OTOA: variants seen among roughly 807,000 people sequenced by gnomAD.
The protein encoded by OTOA is otoancorin.
OTOA carries 70 observed loss-of-function variants against 110.8 expected under a neutral mutation model. That is an observed-to-expected ratio of 0.63 (90% CI 0.52 to 0.77). OTOA has a LOEUF of 0.77. OTOA is among the 30% of genes least tolerant of loss of function. The probability of loss-of-function intolerance (pLI) is 0.00; values close to 1 mark genes in which losing one functional copy is unlikely to be tolerated. For synonymous variants in OTOA, 373 were observed against 431.5 expected, an observed-to-expected ratio of 0.86 and a Z score of 1.68; for missense variants, 917 against 1,075.8, an observed-to-expected ratio of 0.85 and a Z score of 2.06.
In OTOA at chr16:21,687,459, C is replaced by A. The variant is rs113820086; in HGVS notation, c.446C>A (p.Ala149Asp). Residue 149 changes from alanine (A) to aspartate (D), a missense_variant, in exon 8 of 29, where the codon GCC becomes GAC. Ala to Asp is a moderately radical substitution (Grantham distance 126). This residue lies in a region of OTOA where 840 missense variants were observed against 910.2 expected (regional missense o/e 0.92). Coordinates refer to ENST00000646100, the MANE Select transcript of OTOA (RefSeq NM_144672.4). ...GACTTAGGAGAGATTCGAGAACGAG[C>A]CTTGCAGAGCCCTGGCGTGAACCGC... ...IIDLGEIRER[A>D]LQSPGVNRSL... is the part of the protein sequence containing the mutation. 56 of 1,613,900 alleles carry A rather than the reference C, an allele frequency of 3.5e-5. No individual in the cohort carries two copies. Among genetic ancestry groups the A allele is most frequent in the African/African-American group, 9.3e-5 (7 of 74,884 alleles).
At position 21,680,751 on chromosome 16, in the gene OTOA, G is replaced by A. The variant is rs1966882285; in HGVS notation, c.180-987G>A. On this transcript the variant is annotated intron_variant, in intron 5 of 28. Coordinates refer to ENST00000646100, the MANE Select transcript of OTOA (RefSeq NM_144672.4). ...GCCTGTAATTCCAGCTACTTGGAAG[G>A]CTGAGGCAGGAGAATCGCTTGAACC... Among the ~76,000 whole-genome samples the A allele has an allele frequency of 3.3e-5, 5 of 151,634 alleles. 1 individual carries two copies. The South Asian group carries it at 1.0e-3, about 31-fold the overall frequency.
chr16:21,728,543 A>C, intron 20 of OTOA, 112 bp downstream of exon 20: 1 of 1,278,456 alleles, frequency 7.8e-7, no homozygotes, highest in Non-Finnish European at 1.1e-6. Flanking sequence ...ATGAGATAAA[A>C]TTCTTATGCT....
intron 11 of OTOA, among the ~76,000 whole-genome samples, chr16:21,702,643 C>T (rs1172022394): frequency 6.6e-6 from 1 of 152,182 alleles, no homozygotes; most frequent in Admixed American, 6.5e-5. Context: ...ACACTTGACA[C>T]ATAGTAAGTG....
chr16:21,715,231 G>A, intron 14 of OTOA, 79 bp downstream of exon 14: 1 of 1,589,790 alleles, frequency 6.3e-7, no homozygotes, highest in Non-Finnish European at 8.6e-7. Flanking sequence ...CTGTGACTTT[G>A]GGCCATGAAC....
At chr16:21,706,551 A>T (rs886698518) in intron 12 of OTOA, among the ~76,000 whole-genome samples, 3 of 152,144 alleles carry the variant, frequency 2.0e-5, no homozygotes, top group Non-Finnish European at 4.4e-5. Flanking sequence ...TGAGTTCCCA[A>T]GACCAGATGA....
At chr16:21,692,916 A>G (rs1897859295) in intron 9 of OTOA, among the ~76,000 whole-genome samples, 1 of 117,910 alleles carries the variant, frequency 8.5e-6, no homozygotes, top group African/African-American at 3.4e-5. Flanking sequence ...TGACAGAGTG[A>G]GACTCTGTCT....
rs750987667 is a variant in OTOA at position 21,678,893 on chromosome 16, A to G, written c.92-22A>G. 1.3e-5 allele frequency: 21 copies of G among 1,611,646 alleles called. 2 individuals carry two copies. The South Asian group carries it at 1.5e-4, about 12-fold the overall frequency. Reference sequence around the variant, plus strand: ...GGTCACACAATTCAATTCTAGTTATACATTCAATGGCTTTCTTACAGATTT... The same window carrying G: ...GGTCACACAATTCAATTCTAGTTATGCATTCAATGGCTTTCTTACAGATTT... On this transcript the variant is annotated intron_variant, in intron 2 of 28. Coordinates refer to ENST00000646100, the MANE Select transcript of OTOA (RefSeq NM_144672.4).
rs115543159 is a variant in OTOA at position 21,705,283 on chromosome 16, C to G, written c.1095C>G (p.Gly365=). 7 of 1,613,752 alleles carry G rather than the reference C, an allele frequency of 4.3e-6. No homozygotes were observed. In the Admixed American group the frequency reaches 6.7e-5, roughly 15 times the overall value. ...GCCACCTGAGGGGCTTCCAGGCTGG[C>G]GTCCAGAAGGTACAGCTGGGGTGCA... is the stretch of plus-strand genomic sequence containing the variant. The part of the protein sequence containing the change: ...KCSHLRGFQA[G]VQKLKAELLD... Residue 365 remains glycine (G), a synonymous_variant, in exon 12 of 29, where the codon GGC becomes GGG. Coordinates refer to ENST00000646100, the MANE Select transcript of OTOA (RefSeq NM_144672.4).
chr16:21,728,341 G>A lies in OTOA; in HGVS notation c.2117G>A (p.Trp706Ter). The A allele has an allele frequency of 6.2e-7, 1 of 1,614,004 alleles. No individual in the cohort carries two copies. Among genetic ancestry groups the A allele is most frequent in the Non-Finnish European group, 8.5e-7 (1 of 1,179,968 alleles). ...GACAGGGGGATCTCCCCCAGGGCTT[G>A]GGCGACTGCTCTACACGGCCTCAGA... ...IIDRGISPRA[W>*]ATALHGLRDC... is the part of the protein sequence containing the mutation. The change falls in exon 20 of 29, where the codon TGG becomes TAG. Residue 706 changes from tryptophan to a stop codon, truncating the protein, a stop_gained. Transcript: ENST00000646100. LOFTEE classifies it high-confidence loss of function.
chr16:21,721,961 C>T (rs536341136), intron 17 of OTOA, among the ~76,000 whole-genome samples: 1 of 151,642 alleles, frequency 6.6e-6, no homozygotes, highest in East Asian at 1.9e-4. Flanking sequence ...CAGTGGCTCA[C>T]GCCAGTAATC....
intron 21 of OTOA, among the ~76,000 whole-genome samples, chr16:21,734,051 G>C (rs1384363453): frequency 6.6e-6 from 1 of 151,562 alleles, no homozygotes; most frequent in Non-Finnish European, 1.5e-5. Flanking sequence ...CTGCCTGCTT[G>C]GGCCTCCCAA....
At chr16:21,756,519 G>C (rs1218111445) in intron 27 of OTOA, among the ~76,000 whole-genome samples, 3 of 152,042 alleles carry the variant, frequency 2.0e-5, no homozygotes, top group Non-Finnish European at 4.4e-5. Context: ...TCAGGCCTCT[G>C]ATCTTTAAGG....
chr16:21,686,618 A>G (rs528887175), intron 7 of OTOA, among the ~76,000 whole-genome samples: 2 of 152,228 alleles, frequency 1.3e-5, no homozygotes, highest in South Asian at 4.1e-4. Context: ...AAATCTCCCC[A>G]GATGGGCTGG....
Position 21,722,938 on chromosome 16 carries a change from T to G in OTOA, c.1840T>G (p.Ser614Ala), listed in dbSNP as rs1898803224. 1.9e-6 allele frequency: 3 copies of G among 1,614,192 alleles called. No homozygotes were observed. Among genetic ancestry groups the G allele is most frequent in the Non-Finnish European group, 2.5e-6 (3 of 1,180,028 alleles). ...NCLAWKYWEV[S>A]RLSMPPFLLA... ...TTTGGCGTGGAAATACTGGGAAGTT[T>G]CCAGATTGTCTATGCCACCTTTCCT... The change falls in exon 18 of 29, where the codon TCC (serine) becomes GCC (alanine). Residue 614 changes from serine to alanine, a missense_variant. Physicochemically the swap from Ser to Ala is moderately conservative, Grantham distance 99 (BLOSUM62 1). Around this residue, in one of 6 missense-constraint regions of OTOA, gnomAD observed 840 missense variants for 910.2 expected, o/e 0.92. Coordinates refer to ENST00000646100, the MANE Select transcript of OTOA (RefSeq NM_144672.4).
chr16:21,759,563 C>G (rs1419663781), intron 28 of OTOA, among the ~76,000 whole-genome samples: 1 of 151,312 alleles, frequency 6.6e-6, no homozygotes, highest in Non-Finnish European at 1.5e-5. Context: ...AGGATAAACT[C>G]TTCAAAGTGA....
In OTOA at chr16:21,705,562, C is replaced by T. The variant is rs555861850; in HGVS notation, c.1104+270C>T. On this transcript the variant is annotated intron_variant, in intron 12 of 28. Transcript: ENST00000646100. Reference sequence around the variant, plus strand: ...CGGTGGCTCATGCCTGTAATCCCAGCACTTTGGGAGGCCAAGATGGGAGGA... The same window carrying T: ...CGGTGGCTCATGCCTGTAATCCCAGTACTTTGGGAGGCCAAGATGGGAGGA... 1.7e-5 allele frequency: 8 copies of T among 470,566 alleles called. No individual in the cohort carries two copies. The East Asian group carries it at 3.5e-4, about 21-fold the overall frequency. 29.1% of individuals were successfully genotyped at this position (470,566 alleles called of 1,614,324 possible). A position where few individuals can be genotyped will look rare whatever the true frequency, so the allele number is the denominator to read the frequency against.
chr16:21,693,271 GCAAA>G (rs543653418), intron 9 of OTOA, among the ~76,000 whole-genome samples: 23 of 152,062 alleles, frequency 1.5e-4, no homozygotes, highest in East Asian at 3.9e-4. Context: ...CGCAAAACAA[GCAAA>G]CAAACAAACA....
In OTOA at chr16:21,714,332, C is replaced by CCTTCCTTTCTTT. The variant is rs1555499743; in HGVS notation, c.1321-650_1321-649insCCTTTCTTTCTT. Among the ~76,000 whole-genome samples the CCTTCCTTTCTTT allele has an allele frequency of 1.6e-3, 198 of 127,646 alleles. 2 individuals are homozygous for CCTTCCTTTCTTT. The highest frequency in any genetic ancestry group is 1.5e-3 in the Non-Finnish European group (90 of 59,204). The allele number at this position is 127,646 out of a possible 152,430, so 83.7% of individuals were successfully genotyped here. A position where few individuals can be genotyped will look rare whatever the true frequency, so the allele number is the denominator to read the frequency against. On this transcript the variant is annotated intron_variant, in intron 13 of 28. Transcript: ENST00000646100. Reference sequence around the variant, plus strand: ...TCCTTCCTTCCTTCCTTCCTTCCTTCCTTTCTTTCTTTCTTTCTTTCCTTC... The same window carrying CCTTCCTTTCTTT: ...TCCTTCCTTCCTTCCTTCCTTCCTTCCTTCCTTTCTTTCTTTCTTTCTTTCTTTCTTTCCTTC...
chr16:21,700,495 C>A (rs565141908), intron 10 of OTOA, among the ~76,000 whole-genome samples: 8 of 151,916 alleles, frequency 5.3e-5, no homozygotes, highest in African/African-American at 1.2e-4. Context: ...GAGGCCGAGG[C>A]GGGTGGATCA....
Sources: gnomAD v4.1 joint callset for allele counts (sites outside exome capture counted in the v4.1 genomes callset) on GRCh38, gnomAD v4.1.1 for gene constraint, gnomAD v4.1.1 regional missense constraint, MANE v1.5 for transcripts, NCBI Gene and HGNC (gene_info 2026-07-23, HGNC 2026-07-21) for gene names.